NHSL2: variants seen among roughly 807,000 people sequenced by gnomAD.
NHSL2 encodes the protein NHS-like protein 2.
In NHSL2, 27 loss-of-function variants were observed where a neutral mutation model predicts 53.4. The observed-to-expected ratio is 0.51, with a 90% CI of 0.37 to 0.70. The LOEUF (loss-of-function observed/expected upper bound fraction) is 0.70. Ranked by LOEUF, NHSL2 falls within the 30% of genes least tolerant of loss-of-function variation. The pLI is 0.00. For missense variants in NHSL2, 892 were observed against 980.1 expected, an observed-to-expected ratio of 0.91 and a Z score of 1.20; for synonymous variants, 408 against 404.1, an observed-to-expected ratio of 1.01 and a Z score of -0.12.
In NHSL2 at chrX:72,102,767, A is replaced by C. The variant is rs1027690863; in HGVS notation, c.281-29312A>C. Among the ~76,000 whole-genome samples the C allele has an allele frequency of 2.7e-5, 3 of 112,637 alleles. No individual in the cohort carries two copies. The East Asian group carries it at 8.3e-4, about 31-fold the overall frequency. ...TCAGAATACAGGTCAAACTAACAGAAGAAGCCACTTATCTGACAATCGTGG... is the reference window on the plus strand; with the variant it reads ...TCAGAATACAGGTCAAACTAACAGACGAAGCCACTTATCTGACAATCGTGG... On this transcript the variant is annotated intron_variant, in intron 1 of 7. Coordinates refer to ENST00000633930, the MANE Select transcript of NHSL2 (RefSeq NM_001013627.3).
At chrX:72,001,343 A>T (rs2042072114) in intron 1 of NHSL2, among the ~76,000 whole-genome samples, 1 of 111,043 alleles carries the variant, frequency 9.0e-6, no homozygotes, top group African/African-American at 3.3e-5. Context: ...CACCTTCTGG[A>T]CCTGTTTCTA....
At chrX:72,048,167 G>A (rs2147926683) in intron 1 of NHSL2, among the ~76,000 whole-genome samples, 1 of 110,340 alleles carries the variant, frequency 9.1e-6, no homozygotes, top group South Asian at 3.9e-4. Context: ...ACATTTATTG[G>A]ATTAACTCAC....
intron 1 of NHSL2, among the ~76,000 whole-genome samples, chrX:72,054,155 G>C (rs1051268273): frequency 9.0e-6 from 1 of 111,643 alleles, no homozygotes; most frequent in Non-Finnish European, 1.9e-5. Flanking sequence ...ATGCTGCAAC[G>C]CTTTCTCTGC....
At chrX:72,042,462 C>T (rs1336219869) in intron 1 of NHSL2, among the ~76,000 whole-genome samples, 6 of 111,591 alleles carry the variant, frequency 5.4e-5, no homozygotes, top group African/African-American at 1.3e-4. Flanking sequence ...TGCTTCCTCA[C>T]GCCCTACCCT....
chrX:71,969,501 C>T (rs376409348), intron 1 of NHSL2, among the ~76,000 whole-genome samples: 242 of 110,330 alleles, frequency 2.2e-3, no homozygotes, highest in African/African-American at 7.4e-3. Flanking sequence ...TTAGTAGAGA[C>T]GGGGTTTCCC....
intron 1 of NHSL2, among the ~76,000 whole-genome samples, chrX:72,112,793 G>C (rs1439246866): frequency 9.0e-6 from 1 of 111,137 alleles, no homozygotes; most frequent in Non-Finnish European, 1.9e-5. Context: ...GGGTTCAAGC[G>C]ATTCTCCTGC....
intron 1 of NHSL2, among the ~76,000 whole-genome samples, chrX:71,992,362 G>A (rs1467982119): frequency 9.0e-6 from 1 of 111,724 alleles, no homozygotes; most frequent in African/African-American, 3.3e-5. Flanking sequence ...TGAGATAGTG[G>A]GTGGGGTGGG....
chrX:71,964,001 A>ATG (rs1491422730), intron 1 of NHSL2, among the ~76,000 whole-genome samples: 43 of 7,762 alleles, frequency 5.5e-3, no homozygotes, highest in African/African-American at 0.012. Context: ...ATGTATATAC[A>ATG]TATATATATG....
chrX:71,937,042 G>A (rs1354995670), intron 1 of NHSL2, among the ~76,000 whole-genome samples: 1 of 111,848 alleles, frequency 8.9e-6, no homozygotes, highest in Non-Finnish European at 1.9e-5. Flanking sequence ...AGATCACATA[G>A]CAAGTAAATT....
rs997471286 is a variant in NHSL2, at chrX:71,999,475, C to T, written c.280+88108C>T. Among the ~76,000 whole-genome samples the T allele has an allele frequency of 1.4e-4, 16 of 111,953 alleles. No homozygotes were observed. The East Asian group carries it at 4.4e-3, about 31-fold the overall frequency. ...TGAGCCAGTTGTTAAATACAGCCAT[C>T]ATTAAAAATTAAATTATATGAGAAA... On this transcript the variant is annotated intron_variant, in intron 1 of 7. Transcript: ENST00000633930.
At chrX:72,061,134 A>G (rs1287140649) in intron 1 of NHSL2, among the ~76,000 whole-genome samples, 3 of 112,613 alleles carry the variant, frequency 2.7e-5, no homozygotes, top group African/African-American at 9.7e-5. Flanking sequence ...GAAGGAATGG[A>G]CTGTTCGAAT....
rs866636747 is a variant in NHSL2 at position 72,109,710 on chromosome X, G to A, written c.281-22369G>A. On this transcript the variant is annotated intron_variant, in intron 1 of 7. Coordinates refer to ENST00000633930, the MANE Select transcript of NHSL2 (RefSeq NM_001013627.3). ...TCTCGAACTCCTGACCTCATGATCC[G>A]CCCGCCTCAGCCTCCCAAAGTGCTG... 5.4e-5 allele frequency among the ~76,000 whole-genome samples: 6 copies of A among 110,715 alleles called. No homozygotes were observed. The East Asian group carries it at 1.4e-3, about 26-fold the overall frequency.
intron 1 of NHSL2, among the ~76,000 whole-genome samples, chrX:71,940,786 A>G (rs1432883145): frequency 9.0e-6 from 1 of 111,111 alleles, no homozygotes; most frequent in African/African-American, 3.3e-5. Flanking sequence ...GAGCCACTGG[A>G]TAAAATGGAA....
chrX:72,015,876 T>G (rs5991895), intron 1 of NHSL2, among the ~76,000 whole-genome samples: 13,298 of 112,111 alleles, frequency 0.12, 1,309 homozygotes, highest in African/African-American at 0.33. Flanking sequence ...TATATATTTT[T>G]ATTGTTCTTT....
chrX:72,080,778 A>G (rs1299996246), intron 1 of NHSL2, among the ~76,000 whole-genome samples: 3 of 111,614 alleles, frequency 2.7e-5, no homozygotes, highest in Non-Finnish European at 5.6e-5. Flanking sequence ...CAAGGCATGT[A>G]GGCAAGGAGA....
intron 1 of NHSL2, among the ~76,000 whole-genome samples, chrX:72,098,346 C>T (rs940344695): frequency 3.6e-5 from 4 of 111,541 alleles, no homozygotes; most frequent in Non-Finnish European, 7.5e-5. Context: ...TTTGGGAAGC[C>T]GAGACGGGTG....
intron 1 of NHSL2, among the ~76,000 whole-genome samples, chrX:72,075,899 A>C (rs1324367251): frequency 5.4e-5 from 2 of 37,208 alleles, no homozygotes; most frequent in Non-Finnish European, 1.0e-4. Flanking sequence ...TTGGGGGAGC[A>C]CAGTGTGTGT....
At chrX:72,072,038 T>C (rs1208825247) in intron 1 of NHSL2, among the ~76,000 whole-genome samples, 1 of 112,120 alleles carries the variant, frequency 8.9e-6, no homozygotes, top group African/African-American at 3.2e-5. Context: ...GAATGAGCTG[T>C]CCCTGTGCTC....
intron 1 of NHSL2, among the ~76,000 whole-genome samples, chrX:72,058,966 C>T (rs897543140): frequency 3.6e-5 from 4 of 111,952 alleles, no homozygotes; most frequent in Non-Finnish European, 7.5e-5. Context: ...ATTCTCCCCA[C>T]TCAGACTGGA....
Sources: allele counts gnomAD v4.1 joint callset (sites outside exome capture counted in the v4.1 genomes callset), GRCh38; gene constraint gnomAD v4.1.1; transcripts MANE v1.5; gene names NCBI Gene and HGNC (gene_info 2026-07-23, HGNC 2026-07-21).